Variants in DROSHA observed in about 807,000 individuals in gnomAD.
The protein encoded by DROSHA is ribonuclease 3.
A neutral mutation model predicts 181.9 loss-of-function variants in DROSHA; 56 were observed. The ratio of observed to expected loss-of-function variants is 0.31; its 90% CI spans 0.25 to 0.38. DROSHA has a LOEUF of 0.38. Ranked by LOEUF, DROSHA falls within the 10% of genes least tolerant of loss-of-function variation. The probability of loss-of-function intolerance (pLI) is 1.00; values close to 1 mark genes in which losing one functional copy is unlikely to be tolerated. For synonymous variants in DROSHA, 524 were observed against 591.2 expected, an observed-to-expected ratio of 0.89 and a Z score of 1.65; for missense variants, 1,218 against 1,743.5, an observed-to-expected ratio of 0.70 and a Z score of 5.37.
chr5:31,521,284 A>G, intron 5 of DROSHA, 69 bp from the exon 6 acceptor site: 1 of 1,534,292 alleles, frequency 6.5e-7, no homozygotes. Context: ...TTTTCACTGA[A>G]TTCATCTTGT....
At chr5:31,445,582 C>A (rs1746149684) in intron 23 of DROSHA, among the ~76,000 whole-genome samples, 1 of 152,134 alleles carries the variant, frequency 6.6e-6, no homozygotes, top group South Asian at 2.1e-4. Context: ...AATACAGCAG[C>A]ACATGAGAAG....
intron 13 of DROSHA, among the ~76,000 whole-genome samples, chr5:31,488,343 T>G (rs1341827545): frequency 6.7e-6 from 1 of 148,304 alleles, no homozygotes; most frequent in African/African-American, 2.5e-5. Context: ...AACCCGGGAG[T>G]TGGAGGTTGC....
chr5:31,515,432 G>T (rs1343728419), intron 7 of DROSHA, 22 bp downstream of exon 7: 1 of 1,159,946 alleles, frequency 8.6e-7, no homozygotes, highest in South Asian at 1.4e-5. Context: ...AAATTCCCAG[G>T]CCCCACCCCA....
intron 6 of DROSHA, among the ~76,000 whole-genome samples, chr5:31,517,446 C>G (rs1408854276): frequency 2.0e-5 from 3 of 152,152 alleles, no homozygotes; most frequent in East Asian, 3.9e-4. Context: ...TTAATTCTCT[C>G]TCTCCAAGGT....
At chr5:31,531,928 G>A (rs1485257489) in intron 1 of DROSHA, 62 bp downstream of exon 1, 3 of 170,302 alleles carry the variant, frequency 1.8e-5, no homozygotes, top group Non-Finnish European at 2.5e-5. Context: ...GGAGACTCCA[G>A]CCCCGTTTAA....
intron 16 of DROSHA, among the ~76,000 whole-genome samples, chr5:31,478,138 T>C (rs973815332): frequency 6.6e-6 from 1 of 152,192 alleles, no homozygotes; most frequent in Admixed American, 6.5e-5. Context: ...AAGTTACTCA[T>C]TCTCAAAGAA....
intron 20 of DROSHA, among the ~76,000 whole-genome samples, chr5:31,454,620 G>A (rs1366156613): frequency 6.6e-6 from 1 of 152,056 alleles, no homozygotes; most frequent in Admixed American, 6.5e-5. Flanking sequence ...AAGAAGAGGA[G>A]TAGAATAACA....
chr5:31,525,441 T>C (rs1740415592), intron 5 of DROSHA, among the ~76,000 whole-genome samples: 2 of 143,640 alleles, frequency 1.4e-5, no homozygotes, highest in South Asian at 4.4e-4. Flanking sequence ...GAGGTGGAGG[T>C]TGCAGTGAGC....
intron 23 of DROSHA, among the ~76,000 whole-genome samples, chr5:31,439,651 G>GT (rs1351357140): frequency 1.3e-5 from 2 of 152,074 alleles, no homozygotes; most frequent in Non-Finnish European, 2.9e-5. Context: ...GTACGTATGT[G>GT]TAGGAAAAAA....
In DROSHA at chr5:31,515,091, A is replaced by C. The variant is rs756235239; in HGVS notation, c.1187T>G (p.Met396Arg). ...TTCTTCCTCCTCATTCTTGTCAGGC[A>C]TGGTCTCCTCGGGCTCTTTTTCCTT... ...SIKEKEPEET[M>R]PDKNEEEEEE... The change falls in exon 8 of 36, where the codon ATG (methionine) becomes AGG (arginine). Residue 396 changes from methionine to arginine, a missense_variant. Met to Arg is a moderately conservative substitution (Grantham distance 91). Transcript: ENST00000344624. 1 of 1,613,974 alleles carries C rather than the reference A, an allele frequency of 6.2e-7. No homozygotes were observed. Among genetic ancestry groups the C allele is most frequent in the Non-Finnish European group, 8.5e-7 (1 of 1,179,886 alleles).
intron 11 of DROSHA, 76 bp downstream of exon 11, chr5:31,504,479 G>A: frequency 1.4e-6 from 2 of 1,453,260 alleles, no homozygotes; most frequent in Admixed American, 3.7e-5. Flanking sequence ...TTCATTTATG[G>A]GGGAAAGAAC....
At chr5:31,520,866 T>C (rs1186735857) in intron 6 of DROSHA, among the ~76,000 whole-genome samples, 2 of 152,162 alleles carry the variant, frequency 1.3e-5, no homozygotes, top group Non-Finnish European at 2.9e-5. Context: ...TAATGTATAG[T>C]TTTATAGCAC....
At chr5:31,436,498 T>G (rs1408067011) in intron 24 of DROSHA, among the ~76,000 whole-genome samples, 1 of 151,896 alleles carries the variant, frequency 6.6e-6, no homozygotes, top group Non-Finnish European at 1.5e-5. Context: ...GTTCAAGTGA[T>G]TCTCCTGCCT....
At chr5:31,477,537 T>C (rs1371425563) in intron 16 of DROSHA, among the ~76,000 whole-genome samples, 1 of 152,232 alleles carries the variant, frequency 6.6e-6, no homozygotes, top group Admixed American at 6.5e-5. Context: ...CTGGAAATTT[T>C]GCAATACTCT....
At chr5:31,490,268 A>C (rs1203908548) in intron 13 of DROSHA, among the ~76,000 whole-genome samples, 1 of 151,360 alleles carries the variant, frequency 6.6e-6, no homozygotes, top group Non-Finnish European at 1.5e-5. Context: ...TGCAGCTTCA[A>C]ATTCCTGGGC....
intron 4 of DROSHA, 69 bp from the exon 5 acceptor site, chr5:31,526,981 C>T (rs558214308): frequency 7.1e-7 from 1 of 1,413,474 alleles, no homozygotes; most frequent in South Asian, 1.4e-5. Flanking sequence ...AACAGGGTTT[C>T]ATAAATGCCT....
At chr5:31,435,669 T>C in intron 25 of DROSHA, 96 bp downstream of exon 25, 2 of 1,068,342 alleles carry the variant, frequency 1.9e-6, no homozygotes, top group South Asian at 1.5e-5. Context: ...ACTCCTAATA[T>C]ATCCTAACGA....
In DROSHA at chr5:31,508,604, G is replaced by A. The variant is rs1290489750; in HGVS notation, c.1587+17C>T. Reference sequence around the variant, plus strand: ...CTGGGTTTGCAACCTTCACAGCAAGGGCATAAAAACACGCACCTGGCCTGG... The same window carrying A: ...CTGGGTTTGCAACCTTCACAGCAAGAGCATAAAAACACGCACCTGGCCTGG... On this transcript the variant is annotated intron_variant, in intron 10 of 35. Transcript: ENST00000344624. 1.9e-6 allele frequency: 3 copies of A among 1,613,774 alleles called. No individual in the cohort carries two copies. Among genetic ancestry groups the A allele is most frequent in the Middle Eastern group, 1.7e-4 (1 of 6,032 alleles).
chr5:31,483,617 CA>C lies in DROSHA; in HGVS notation c.2007del (p.Phe669LeufsTer18). The C allele has an allele frequency of 6.5e-7, 1 of 1,547,252 alleles. No individual in the cohort carries two copies. Among genetic ancestry groups the C allele is most frequent in the East Asian group, 2.3e-5 (1 of 42,982 alleles). On this transcript the variant is annotated frameshift_variant, in exon 16 of 36. Coordinates refer to ENST00000344624, the MANE Select transcript of DROSHA (RefSeq NM_001382508.1). LOFTEE classifies it high-confidence loss of function. ...LYDWNLKGPL[F>X]EDSPPCCPRF... is the part of the protein sequence containing the mutation. Reference sequence around the variant, plus strand: ...CTTGGGCAGCAGGGAGGGCTGTCTTCAAACAAAGGACCTGAAGCAAACAAAT... The same window carrying C: ...CTTGGGCAGCAGGGAGGGCTGTCTTCAACAAAGGACCTGAAGCAAACAAAT...
Sources: allele counts gnomAD v4.1 joint callset (sites outside exome capture counted in the v4.1 genomes callset), GRCh38; gene constraint gnomAD v4.1.1; transcripts MANE v1.5; gene names NCBI Gene and HGNC (gene_info 2026-07-23, HGNC 2026-07-21).